The following LRFN2 variants were observed in gnomAD, a reference collection of about 807,000 sequenced individuals.
The protein encoded by LRFN2 is leucine-rich repeat and fibronectin type-III domain-containing protein 2.
LRFN2 carries 18 observed loss-of-function variants against 37.3 expected under a neutral mutation model. The observed-to-expected ratio is 0.48, with a 90% CI of 0.33 to 0.72. The LOEUF (loss-of-function observed/expected upper bound fraction) is 0.72, where lower values mean the gene tolerates loss of function less well. Among genes scored for constraint, LRFN2 ranks in the 30% least tolerant of loss-of-function variants. LRFN2 has a pLI of 0.02. For missense variants in LRFN2, 1,006 were observed against 1,060.7 expected (o/e 0.95, Z 0.72); for synonymous variants, 556 against 466.6 (o/e 1.19, Z -2.47).
chr6:40,580,215 G>A (rs1767372479), intron 1 of LRFN2, among the ~76,000 whole-genome samples: 1 of 152,222 alleles, frequency 6.6e-6, no homozygotes, highest in Admixed American at 6.5e-5. Context: ...AGTCAGAACT[G>A]AAACTGGAAT....
rs892811620 is a variant in LRFN2, at chr6:40,406,225, G to A, written c.1401-13313C>T. 9.8e-5 allele frequency among the ~76,000 whole-genome samples: 15 copies of A among 152,336 alleles called. No homozygotes were observed. The East Asian group carries it at 1.5e-3, about 16-fold the overall frequency. On this transcript the variant is annotated intron_variant, in intron 2 of 2. Coordinates refer to ENST00000338305, the MANE Select transcript of LRFN2 (RefSeq NM_020737.3). ...CAGGGTTGCTACGAGGATGAAATGA[G>A]CGAATCTCTGTGATTTGAACAGTGC...
chr6:40,542,760 T>G (rs1050686109), intron 1 of LRFN2, among the ~76,000 whole-genome samples: 1 of 152,202 alleles, frequency 6.6e-6, no homozygotes, highest in Non-Finnish European at 1.5e-5. Context: ...CCAGCCAGAA[T>G]GTGGGTCCCT....
chr6:40,499,336 C>T (rs1330878312), intron 1 of LRFN2, among the ~76,000 whole-genome samples: 3 of 152,096 alleles, frequency 2.0e-5, no homozygotes, highest in South Asian at 2.1e-4. Flanking sequence ...ACCCAGTGGC[C>T]GGGGATTTTT....
intron 2 of LRFN2, among the ~76,000 whole-genome samples, chr6:40,399,348 C>G (rs964594506): frequency 6.6e-6 from 1 of 151,678 alleles, no homozygotes; most frequent in South Asian, 2.1e-4. Context: ...TCACTGCCCC[C>G]ACCTGTTGTT....
At chr6:40,544,435 C>T (rs1766616397) in intron 1 of LRFN2, among the ~76,000 whole-genome samples, 1 of 152,188 alleles carries the variant, frequency 6.6e-6, no homozygotes, top group Non-Finnish European at 1.5e-5. Context: ...CTGAGCATTT[C>T]TCAGTGGATT....
Position 40,431,920 on chromosome 6 carries a change from G to C in LRFN2, c.1194C>G (p.Asp398Glu). 4 of 1,613,472 alleles carry C rather than the reference G, an allele frequency of 2.5e-6. No individual in the cohort carries two copies. Among genetic ancestry groups the C allele is most frequent in the Non-Finnish European group, 3.4e-6 (4 of 1,179,810 alleles). The change falls in exon 2 of 3, where the codon GAC (aspartate) becomes GAG (glutamate). Residue 398 changes from aspartate (D) to glutamate (E), a missense_variant. Physicochemically the swap from Asp to Glu is conservative, Grantham distance 45. Transcript: ENST00000338305. Reference sequence around the variant, plus strand: ...GGCTGGTCTTGCTGGAGCCAGTGATGTCTGAGAGGCGGGACTTGGGGGGTG... The same window carrying C: ...GGCTGGTCTTGCTGGAGCCAGTGATCTCTGAGAGGCGGGACTTGGGGGGTG... The part of the protein sequence containing the change: ...RTAPPKSRLS[D>E]ITGSSKTSRG...
chr6:40,578,057 C>A (rs372898487), intron 1 of LRFN2, among the ~76,000 whole-genome samples: 1 of 152,076 alleles, frequency 6.6e-6, no homozygotes, highest in East Asian at 1.9e-4. Flanking sequence ...ATTCAACAAC[C>A]CTATAAAGTG....
At chr6:40,431,262 G>A (rs1763472612) in intron 2 of LRFN2, among the ~76,000 whole-genome samples, 2 of 152,232 alleles carry the variant, frequency 1.3e-5, no homozygotes, top group African/African-American at 4.8e-5. Flanking sequence ...GAAAAGCCAT[G>A]ATTTGAATCT....
chr6:40,432,040 G>A lies in LRFN2; in HGVS notation c.1074C>T (p.Thr358=), dbSNP rs760585040. Residue 358 remains threonine (T), a synonymous_variant, in exon 2 of 3, where the codon ACC becomes ACT. Coordinates refer to ENST00000338305, the MANE Select transcript of LRFN2 (RefSeq NM_020737.3). Reference sequence around the variant, plus strand: ...CTCCGGCAGCATTGGCAGCAATGCAGGTGAAGGCACCACTGTCCTGAGATG... The same window carrying A: ...CTCCGGCAGCATTGGCAGCAATGCAAGTGAAGGCACCACTGTCCTGAGATG... ...ITTSQDSGAF[T]CIAANAAGEA... 16 of 1,613,950 alleles carry A rather than the reference G, an allele frequency of 9.9e-6. No individual in the cohort carries two copies. The highest frequency in any genetic ancestry group is 1.7e-5 in the Admixed American group (1 of 60,014).
Position 40,447,353 on chromosome 6 carries a change from A to AC in LRFN2, c.-18-14223dup, listed in dbSNP as rs1270944855. 2.0e-5 allele frequency among the ~76,000 whole-genome samples: 3 copies of AC among 152,272 alleles called. No homozygotes were observed. In the East Asian group the frequency reaches 5.8e-4, roughly 29 times the overall value. On this transcript the variant is annotated intron_variant, in intron 1 of 2. Coordinates refer to ENST00000338305, the MANE Select transcript of LRFN2 (RefSeq NM_020737.3). ...AAGTTGTGGTAATGTTACGACATTAACCTCAAACTCAGAATTCTGCCTCAC... is the reference window on the plus strand; with the variant it reads ...AAGTTGTGGTAATGTTACGACATTAACCCTCAAACTCAGAATTCTGCCTCAC...
In LRFN2 at chr6:40,432,136, A is replaced by T; in HGVS notation, c.978T>A (p.Asp326Glu). Residue 326 changes from aspartate to glutamate, a missense_variant, in exon 2 of 3, where the codon GAT (aspartate) becomes GAA (glutamate). Transcript: ENST00000338305. ...PSPLIHWVAP[D>E]DRLVGNSSRT... The stretch of plus-strand genomic sequence containing the variant: ...TTGAGGAGTTCCCTACCAGGCGGTC[A>T]TCGGGGGCTACCCAGTGGATAAGGG... The T allele has an allele frequency of 6.2e-7, 1 of 1,613,852 alleles. No individual in the cohort carries two copies. Among genetic ancestry groups the T allele is most frequent in the Non-Finnish European group, 8.5e-7 (1 of 1,179,984 alleles).
At chr6:40,578,477 G>C (rs1373242491) in intron 1 of LRFN2, among the ~76,000 whole-genome samples, 1 of 152,188 alleles carries the variant, frequency 6.6e-6, no homozygotes, top group Non-Finnish European at 1.5e-5. Context: ...ATGCAAAGTG[G>C]TTGTAATCAT....
At chr6:40,395,873 G>A (rs1283554128) in intron 2 of LRFN2, among the ~76,000 whole-genome samples, 1 of 152,174 alleles carries the variant, frequency 6.6e-6, no homozygotes, top group Admixed American at 6.5e-5. Flanking sequence ...AGTGATATAA[G>A]AGCATGTCCA....
chr6:40,550,541 G>A (rs1460293944), intron 1 of LRFN2, among the ~76,000 whole-genome samples: 1 of 152,202 alleles, frequency 6.6e-6, no homozygotes, highest in Non-Finnish European at 1.5e-5. Flanking sequence ...CAATGGACAA[G>A]AAAGAACTTT....
Position 40,557,825 on chromosome 6 carries a change from A to T in LRFN2, c.-19+29116T>A, listed in dbSNP as rs768492604. ...GATCCTTGCAAAGTTTAAGTGGGTTAATATTTATAAAGTATATAGAACAAT... is the reference window on the plus strand; with the variant it reads ...GATCCTTGCAAAGTTTAAGTGGGTTTATATTTATAAAGTATATAGAACAAT... On this transcript the variant is annotated intron_variant, in intron 1 of 2. Coordinates refer to ENST00000338305, the MANE Select transcript of LRFN2 (RefSeq NM_020737.3). 1.6e-4 allele frequency among the ~76,000 whole-genome samples: 25 copies of T among 152,218 alleles called. 1 individual carries two copies. The highest frequency in any genetic ancestry group is 2.6e-4 in the Non-Finnish European group (18 of 68,036).
At chr6:40,507,937 C>T (rs186360796) in intron 1 of LRFN2, among the ~76,000 whole-genome samples, 1 of 152,114 alleles carries the variant, frequency 6.6e-6, no homozygotes, top group Non-Finnish European at 1.5e-5. Context: ...ACATTGTATG[C>T]ATGTCATAGC....
chr6:40,511,310 A>T (rs957444048), intron 1 of LRFN2, among the ~76,000 whole-genome samples: 21 of 152,292 alleles, frequency 1.4e-4, no homozygotes, highest in African/African-American at 4.3e-4. Context: ...GATGCCTTTG[A>T]TTAGAAGATG....
At chr6:40,585,618 T>C (rs546412160) in intron 1 of LRFN2, among the ~76,000 whole-genome samples, 3 of 152,158 alleles carry the variant, frequency 2.0e-5, no homozygotes, top group African/African-American at 7.2e-5. Flanking sequence ...CACCTTGAGT[T>C]CCAAATCGGC....
chr6:40,393,190 A>G (rs1309570426), intron 2 of LRFN2, among the ~76,000 whole-genome samples: 1 of 151,438 alleles, frequency 6.6e-6, no homozygotes, highest in Non-Finnish European at 1.5e-5. Flanking sequence ...GGAATAGAGA[A>G]GAAAGAGATG....
Sources: allele counts gnomAD v4.1 joint callset (sites outside exome capture counted in the v4.1 genomes callset), GRCh38; gene constraint gnomAD v4.1.1; transcripts MANE v1.5; gene names NCBI Gene and HGNC (gene_info 2026-07-23, HGNC 2026-07-21).